Variants in KIAA0753 observed in about 807,000 individuals in gnomAD.
KIAA0753 encodes KIAA0753.
In KIAA0753, 114 loss-of-function variants were observed where a neutral mutation model predicts 116.9. The observed-to-expected ratio is 0.98, with a 90% CI of 0.84 to 1.14. The LOEUF (loss-of-function observed/expected upper bound fraction) is 1.14. Among genes scored for constraint, KIAA0753 ranks in the 50% most tolerant of loss-of-function variants. The pLI, the probability that KIAA0753 is intolerant of heterozygous loss-of-function variation, is 0.00. For synonymous variants in KIAA0753, 405 were observed against 413.1 expected, an observed-to-expected ratio of 0.98 and a Z score of 0.24; for missense variants, 1,156 against 1,172.4, an observed-to-expected ratio of 0.99 and a Z score of 0.20.
rs749288656 is a variant in KIAA0753, at chr17:6,599,256, T to TGA, written c.2152_2153insTC (p.Lys718IlefsTer36). On this transcript the variant is annotated frameshift_variant, in exon 14 of 19. Coordinates refer to ENST00000361413, the MANE Select transcript of KIAA0753 (RefSeq NM_014804.3). LOFTEE classifies it high-confidence loss of function. ...GCATACCTCCTGTGCAGGCTGGGCT[T>TGA]TCGCTGTGTTTACTGACGAGCCATC... 4 of 1,613,830 alleles carry TGA rather than the reference T, an allele frequency of 2.5e-6. No homozygotes were observed. The East Asian group carries it at 6.7e-5, about 27-fold the overall frequency.
At chr17:6,636,727 C>T (rs879853127) in intron 1 of KIAA0753, 1 of 152,544 alleles carries the variant, frequency 6.6e-6, no homozygotes, top group Non-Finnish European at 1.5e-5. Flanking sequence ...CCATGACAAA[C>T]CTACCCCGAA....
At chr17:6,611,152 A>G (rs1439225879) in intron 8 of KIAA0753, among the ~76,000 whole-genome samples, 1 of 152,200 alleles carries the variant, frequency 6.6e-6, no homozygotes, top group Non-Finnish European at 1.5e-5. Context: ...GCCATAAGTA[A>G]GTTTTAAACA....
At chr17:6,626,132 T>A (rs368782538) in intron 3 of KIAA0753, among the ~76,000 whole-genome samples, 1 of 152,356 alleles carries the variant, frequency 6.6e-6, no homozygotes, top group East Asian at 1.9e-4. Flanking sequence ...GTACTCTATA[T>A]CTTGAAAAGA....
intron 8 of KIAA0753, among the ~76,000 whole-genome samples, chr17:6,610,855 G>A (rs1970494783): frequency 1.3e-5 from 2 of 152,074 alleles, no homozygotes; most frequent in Admixed American, 6.5e-5. Flanking sequence ...TCGAGAATGC[G>A]GGCTGTCTGT....
chr17:6,614,117 C>A (rs1424705226), intron 7 of KIAA0753, among the ~76,000 whole-genome samples: 2 of 152,122 alleles, frequency 1.3e-5, no homozygotes, highest in African/African-American at 2.4e-5. Flanking sequence ...TCACTAGAAT[C>A]AAAAATATTC....
At chr17:6,623,383 CCTCA>C (rs1198987759) in intron 5 of KIAA0753, 122 bp downstream of exon 5, 2 of 761,694 alleles carry the variant, frequency 2.6e-6, no homozygotes, top group Non-Finnish European at 4.3e-6. Context: ...GTGCTCACTC[CCTCA>C]CTAACAGGTT....
rs769699468 is a variant in KIAA0753, at chr17:6,628,747, A to G, written c.94-6T>C. On this transcript the variant is annotated splice_region_variant and splice_polypyrimidine_tract_variant and intron_variant, in intron 2 of 18. Transcript: ENST00000361413. ...CTATTAAACTGCAGCTGGTTCTTTA[A>G]AAAGCAAATAAAAGTAAGCAGACAT... The G allele has an allele frequency of 1.2e-5, 19 of 1,572,448 alleles. No individual in the cohort carries two copies. The highest frequency in any genetic ancestry group is 1.5e-5 in the Non-Finnish European group (18 of 1,161,398).
intron 2 of KIAA0753, among the ~76,000 whole-genome samples, chr17:6,631,087 G>T (rs1971997461): frequency 6.6e-6 from 1 of 151,532 alleles, no homozygotes; most frequent in African/African-American, 2.4e-5. Context: ...GAGACAGGAA[G>T]AAAGAAATGA....
In KIAA0753 at chr17:6,578,491, T is replaced by C. The variant is rs1967919437; in HGVS notation, c.*1256A>G. On this transcript the variant is annotated 3_prime_UTR_variant, in exon 19 of 19. Transcript: ENST00000361413. The stretch of plus-strand genomic sequence containing the variant: ...CCTTGAAGCTCTTTACATTCTGAAG[T>C]TATATAAAATTAAGCAGGAAAACAT... The C allele has an allele frequency of 6.6e-6, 1 of 152,210 alleles. No homozygotes were observed. The highest frequency in any genetic ancestry group is 1.5e-5 in the Non-Finnish European group (1 of 68,042). The allele number at this position is 152,210 out of a possible 1,614,324, so 9.4% of individuals were successfully genotyped here.
At chr17:6,624,938 C>G (rs1411358727) in intron 3 of KIAA0753, 77 bp from the exon 4 acceptor site, 2 of 906,284 alleles carry the variant, frequency 2.2e-6, no homozygotes, top group East Asian at 2.7e-5. Context: ...CAATTACTTA[C>G]AGAAATAATA....
chr17:6,582,466 C>A (rs575559077), intron 18 of KIAA0753, among the ~76,000 whole-genome samples: 106 of 152,292 alleles, frequency 7.0e-4, no homozygotes, highest in African/African-American at 2.3e-3. Flanking sequence ...CAGAGTTACA[C>A]AAAAATGGTA....
chr17:6,620,705 T>A (rs1971256869), intron 7 of KIAA0753, 83 bp downstream of exon 7: 4 of 1,376,588 alleles, frequency 2.9e-6, no homozygotes, highest in Middle Eastern at 4.6e-4. Flanking sequence ...AAATCCTGAC[T>A]TTCCCCTCAG....
At chr17:6,621,787 T>C (rs903125428) in intron 6 of KIAA0753, among the ~76,000 whole-genome samples, 3 of 152,220 alleles carry the variant, frequency 2.0e-5, no homozygotes, top group Non-Finnish European at 4.4e-5. Flanking sequence ...ATTATGAAGA[T>C]GTGTACTCTA....
Position 6,600,447 on chromosome 17 carries a change from G to T in KIAA0753, c.2021C>A (p.Thr674Asn). ...YRLQQLSVSATHLADKVEEAV... is the reference protein window; with the variant it reads ...YRLQQLSVSANHLADKVEEAV... The stretch of plus-strand genomic sequence containing the variant: ...CTCCTCTACCTTGTCTGCTAAGTGG[G>T]TGGCAGAAACACTATTTAGAAATAA... Residue 674 changes from threonine (T) to asparagine (N), a missense_variant, in exon 13 of 19, where the codon ACC becomes AAC. Thr to Asn is a moderately conservative substitution (Grantham distance 65). Transcript: ENST00000361413. The T allele has an allele frequency of 2.5e-6, 4 of 1,612,570 alleles. No individual in the cohort carries two copies. The highest frequency in any genetic ancestry group is 3.4e-6 in the Non-Finnish European group (4 of 1,178,690).
intron 12 of KIAA0753, among the ~76,000 whole-genome samples, chr17:6,606,025 GA>G (rs1407104165): frequency 6.6e-6 from 1 of 152,172 alleles, no homozygotes; most frequent in African/African-American, 2.4e-5. Flanking sequence ...AAATGACCAT[GA>G]AATGTATTCC....
chr17:6,636,624 A>T (rs1261672764), intron 1 of KIAA0753, among the ~76,000 whole-genome samples: 1 of 151,908 alleles, frequency 6.6e-6, no homozygotes. Context: ...GAAACGTCCC[A>T]ATTTGTCCCT....
At position 6,600,578 on chromosome 17, in the gene KIAA0753, T is replaced by C. The variant is rs188465518; in HGVS notation, c.2010-120A>G. ...GACCACGAGCTTCTCTAACCGTTCATGGCCATATCAATCTCCTGGGGATCT... is the reference window on the plus strand; with the variant it reads ...GACCACGAGCTTCTCTAACCGTTCACGGCCATATCAATCTCCTGGGGATCT... On this transcript the variant is annotated intron_variant, in intron 12 of 18. Transcript: ENST00000361413. The C allele has an allele frequency of 7.5e-5, 52 of 688,784 alleles. No individual in the cohort carries two copies. In the East Asian group the frequency reaches 1.2e-3, roughly 15 times the overall value. The allele number at this position is 688,784 out of a possible 1,614,324, so 42.7% of individuals were successfully genotyped here.
intron 12 of KIAA0753, among the ~76,000 whole-genome samples, chr17:6,604,435 C>T (rs1054189629): frequency 6.6e-6 from 1 of 151,924 alleles, no homozygotes. Flanking sequence ...TTGTTTGTAT[C>T]CACACCATGA....
At chr17:6,618,153 G>T (rs1318638088) in intron 7 of KIAA0753, among the ~76,000 whole-genome samples, 2 of 152,100 alleles carry the variant, frequency 1.3e-5, no homozygotes, top group Non-Finnish European at 1.5e-5. Context: ...GGTTTGGGGA[G>T]CTCCCAGGAT....
Sources: allele counts gnomAD v4.1 joint callset (sites outside exome capture counted in the v4.1 genomes callset), GRCh38; gene constraint gnomAD v4.1.1; transcripts MANE v1.5; gene names NCBI Gene and HGNC (gene_info 2026-07-23, HGNC 2026-07-21).